Variants in ABCA7 observed in about 807,000 individuals in gnomAD.
ABCA7 encodes phospholipid-transporting ATPase ABCA7.
ABCA7 carries 261 observed loss-of-function variants against 227.6 expected under a neutral mutation model. That is an observed-to-expected ratio of 1.15 (90% CI 1.04 to 1.27). ABCA7 has a LOEUF of 1.27. ABCA7 is among the 50% of genes most tolerant of loss of function. The pLI is 0.00. For synonymous variants in ABCA7, 1,488 were observed against 1,279.7 expected (o/e 1.16, Z -3.47); for missense variants, 3,331 against 2,924.5 (o/e 1.14, Z -3.21).
At chr19:1,060,639 C>T (rs932983151) in intron 40 of ABCA7, among the ~76,000 whole-genome samples, 1 of 151,908 alleles carries the variant, frequency 6.6e-6, no homozygotes, top group African/African-American at 2.4e-5. Context: ...CCTGCCTCAG[C>T]CTCCTGAGTA....
chr19:1,053,331 A>G lies in ABCA7; in HGVS notation c.3223A>G (p.Thr1075Ala). The G allele has an allele frequency of 6.2e-7, 1 of 1,608,290 alleles. No individual in the cohort carries two copies. Among genetic ancestry groups the G allele is most frequent in the South Asian group, 1.1e-5 (1 of 90,656 alleles). Residue 1075 changes from threonine (T) to alanine (A), a missense_variant and splice_region_variant, in exon 24 of 47, where the codon ACT becomes GCT. Physicochemically the swap from Thr to Ala is moderately conservative, Grantham distance 58. Transcript: ENST00000263094. ...GAAGCACCCCTTTGTCCACACAGGCACTCCTCAGCTGCTGGCCCTGGTACA... is the reference window on the plus strand; with the variant it reads ...GAAGCACCCCTTTGTCCACACAGGCGCTCCTCAGCTGCTGGCCCTGGTACA... ...KNGSQGSRVG[T>A]PQLLALVQHW...
Position 1,055,913 on chromosome 19 carries a change from G to A in ABCA7, c.4212G>A (p.Lys1404=). The A allele has an allele frequency of 1.3e-6, 2 of 1,593,288 alleles. No homozygotes were observed. Among genetic ancestry groups the A allele is most frequent in the Non-Finnish European group, 1.7e-6 (2 of 1,169,092 alleles). ...CTGTCCATCTCTCCCACAGCCTGAAGACTAAGAAGTGGGTGAATGAGGTCA... is the reference window on the plus strand; with the variant it reads ...CTGTCCATCTCTCCCACAGCCTGAAAACTAAGAAGTGGGTGAATGAGGTCA... The part of the protein sequence containing the change: ...TYPRLVRQGL[K]TKKWVNEVRY... Residue 1404 remains lysine, a synonymous_variant, in exon 31 of 47, where the codon AAG becomes AAA. Transcript: ENST00000263094.
chr19:1,043,639 C>A (rs3752231), intron 9 of ABCA7, 86 bp from the exon 10 acceptor site: 2 of 1,522,754 alleles, frequency 1.3e-6, no homozygotes, highest in Non-Finnish European at 9.0e-7. Context: ...CAGAGGCACA[C>A]GCAGGAGCAA....
chr19:1,061,865 C>T lies in ABCA7; in HGVS notation c.5547C>T (p.Gly1849=), dbSNP rs2042677903. The T allele has an allele frequency of 1.3e-6, 2 of 1,597,062 alleles. No individual in the cohort carries two copies. The highest frequency in any genetic ancestry group is 1.1e-5 in the South Asian group (1 of 88,068). ...MVTGDTLASR[G]EAVLAGHSVA... ...CGGGGGACACATTGGCCAGCAGGGG[C>T]GAGGCTGTGCTGGCAGGCCACAGGT... The change falls in exon 41 of 47, where the codon GGC becomes GGT. Residue 1849 remains glycine (G), a synonymous_variant. Coordinates refer to ENST00000263094, the MANE Select transcript of ABCA7 (RefSeq NM_019112.4).
chr19:1,059,194 T>C (rs2042487567), intron 40 of ABCA7, 109 bp downstream of exon 40: 2 of 1,137,480 alleles, frequency 1.8e-6, no homozygotes, highest in Non-Finnish European at 2.4e-6. Context: ...CCACCTTTTA[T>C]TGGGCACCTA....
Position 1,043,802 on chromosome 19 carries a change from CA to C in ABCA7, c.1009del (p.Thr337ProfsTer3). 6.2e-7 allele frequency: 1 copy of C among 1,613,242 alleles called. No homozygotes were observed. Among genetic ancestry groups the C allele is most frequent in the Non-Finnish European group, 8.5e-7 (1 of 1,179,988 alleles). Reference protein sequence around the residue: ...VWEMLGPRIFTFMNDSSNVAM... With the variant: ...VWEMLGPRIFXFMNDSSNVAM... ...GGGAGATGCTGGGACCCCGGATCTT[CA>C]CCTTCATGAACGACAGTTCCAATGT... is the stretch of plus-strand genomic sequence containing the variant. On this transcript the variant is annotated frameshift_variant, in exon 10 of 47. Coordinates refer to ENST00000263094, the MANE Select transcript of ABCA7 (RefSeq NM_019112.4). LOFTEE classifies it high-confidence loss of function.
intron 23 of ABCA7, 52 bp downstream of exon 23, chr19:1,052,338 C>T (rs966343970): frequency 6.9e-7 from 1 of 1,440,900 alleles, no homozygotes; most frequent in Non-Finnish European, 9.2e-7. Context: ...GGTGGCTGTG[C>T]CTTAACTTGA....
rs760329232 is a variant in ABCA7, at chr19:1,058,900, C to T, written c.5360C>T (p.Ala1787Val). The T allele has an allele frequency of 5.7e-6, 9 of 1,587,444 alleles. No homozygotes were observed. Among genetic ancestry groups the T allele is most frequent in the Non-Finnish European group, 7.7e-6 (9 of 1,162,998 alleles). ...GAACGGGAGCGGGTGGTCCAAGGAGCCACCCAGGGGGATGTGTTGGTGCTG... is the reference window on the plus strand; with the variant it reads ...GAACGGGAGCGGGTGGTCCAAGGAGTCACCCAGGGGGATGTGTTGGTGCTG... ...ARERERVVQG[A>V]TQGDVLVLRN... The change falls in exon 39 of 47, where the codon GCC (alanine) becomes GTC (valine). Residue 1787 changes from alanine (A) to valine (V), a missense_variant. Transcript: ENST00000263094.
rs189499654 is a variant in ABCA7 at position 1,054,885 on chromosome 19, C to T, written c.3950+7C>T. 742 of 1,555,212 alleles carry T rather than the reference C, an allele frequency of 4.8e-4. 4 individuals carry two copies. In the East Asian group the frequency reaches 0.012, roughly 26 times the overall value. On this transcript the variant is annotated splice_region_variant and intron_variant, in intron 29 of 46. Coordinates refer to ENST00000263094, the MANE Select transcript of ABCA7 (RefSeq NM_019112.4). The surrounding 1 kb of genome is among the most constrained non-coding windows in gnomAD (Gnocchi z 4.8). ...TGCAGCATAGCTCCCACAGGTGAGG[C>T]GTCTTGTTGGCCTGGACCTTTCCCC... is the stretch of plus-strand genomic sequence containing the variant.
intron 9 of ABCA7, 96 bp downstream of exon 9, chr19:1,043,569 G>C (rs557177777): frequency 6.3e-7 from 1 of 1,594,220 alleles, no homozygotes; most frequent in East Asian, 2.2e-5. Flanking sequence ...GGAGGGTCAC[G>C]GAAACTATTT....
intron 8 of ABCA7, 32 bp from the exon 9 acceptor site, chr19:1,043,302 G>C: frequency 6.2e-7 from 1 of 1,612,440 alleles, no homozygotes; most frequent in South Asian, 1.1e-5. Context: ...CTCTGGGCAG[G>C]GGGGCAGGGC....
At chr19:1,047,716 G>A in intron 16 of ABCA7, 62 bp downstream of exon 16, 1 of 1,494,704 alleles carries the variant, frequency 6.7e-7, no homozygotes. Flanking sequence ...GGCTGAGCTA[G>A]GGGTGTGGCC....
At chr19:1,044,481 C>T (rs1008978733) in intron 10 of ABCA7, 96 bp from the exon 11 acceptor site, 21 of 1,435,054 alleles carry the variant, frequency 1.5e-5, no homozygotes, top group Non-Finnish European at 2.0e-5. Context: ...CTCCTGACCT[C>T]AGGTGATCCA....
intron 23 of ABCA7, 30 bp from the exon 24 acceptor site, chr19:1,053,299 G>C (rs146332932): frequency 1.3e-6 from 2 of 1,594,788 alleles, no homozygotes; most frequent in Non-Finnish European, 1.7e-6. Context: ...GTGAGCCGGG[G>C]CTCCCTGAAG....
In ABCA7 at chr19:1,044,616, A is replaced by G; in HGVS notation, c.1087A>G (p.Arg363Gly). The change falls in exon 11 of 47, where the codon AGA (arginine) becomes GGA (glycine). Residue 363 changes from arginine to glycine, a missense_variant. Transcript: ENST00000263094. ...QMQDEGRRQPRPGGRDHMEAL... is the reference protein window; with the variant it reads ...QMQDEGRRQPGPGGRDHMEAL... ...GCAGGATGAAGGAAGAAGGCAGCCCAGACCTGGAGGCCGGGACCACATGGA... is the reference window on the plus strand; with the variant it reads ...GCAGGATGAAGGAAGAAGGCAGCCCGGACCTGGAGGCCGGGACCACATGGA... The G allele has an allele frequency of 6.2e-7, 1 of 1,613,218 alleles. No individual in the cohort carries two copies. The highest frequency in any genetic ancestry group is 8.5e-7 in the Non-Finnish European group (1 of 1,179,936).
At chr19:1,064,852 A>G in intron 45 of ABCA7, 79 bp from the exon 46 acceptor site, 2 of 1,467,568 alleles carry the variant, frequency 1.4e-6, no homozygotes, top group African/African-American at 1.4e-5. Flanking sequence ...GGGGCCAGAG[A>G]GTATTAGGGG....
At chr19:1,041,482 C>A (rs748724631) in intron 2 of ABCA7, 28 bp from the exon 3 acceptor site, 1 of 1,613,690 alleles carries the variant, frequency 6.2e-7, no homozygotes, top group South Asian at 1.1e-5. Flanking sequence ...CCACTGTCCC[C>A]CACCGTCTCC....
At chr19:1,047,832 A>T in intron 16 of ABCA7, among the ~76,000 whole-genome samples, 178 bp downstream of exon 16, 1 of 150,824 alleles carries the variant, frequency 6.6e-6, no homozygotes, top group African/African-American at 2.4e-5. Flanking sequence ...GGCCTGAGGC[A>T]GGTGGGCGGG....
intron 17 of ABCA7, 80 bp downstream of exon 17, chr19:1,049,085 T>G (rs2144767581): frequency 1.0e-6 from 1 of 965,956 alleles, no homozygotes; most frequent in Admixed American, 2.5e-5. Context: ...CAGATGCCAA[T>G]GACAATGACC....
Sources: gnomAD v4.1 joint callset for allele counts (sites outside exome capture counted in the v4.1 genomes callset) on GRCh38, gnomAD v4.1.1 for gene constraint, Gnocchi (gnomAD v3.1) non-coding constraint, MANE v1.5 for transcripts, NCBI Gene and HGNC (gene_info 2026-07-23, HGNC 2026-07-21) for gene names.